FCHO2: variants seen among roughly 807,000 people sequenced by gnomAD.
FCHO2 encodes the protein FCH and mu domain containing endocytic adaptor 2, also known as F-BAR domain only protein 2.
A neutral mutation model predicts 114.1 loss-of-function variants in FCHO2; 43 were observed. The observed-to-expected ratio is 0.38, with a 90% CI of 0.30 to 0.49. FCHO2 has a LOEUF of 0.49. FCHO2 is among the 20% of genes least tolerant of loss of function. The pLI, the probability that FCHO2 is intolerant of heterozygous loss-of-function variation, is 0.97. For synonymous variants in FCHO2, 293 were observed against 315.2 expected (o/e 0.93, Z 0.75); for missense variants, 807 against 950.4 (o/e 0.85, Z 1.98).
At chr5:72,979,378 CTTTTTTTTTTTTTTTTTTT>C (rs60234739) in intron 2 of FCHO2, among the ~76,000 whole-genome samples, 1 of 49,770 alleles carries the variant, frequency 2.0e-5, no homozygotes, top group Non-Finnish European at 3.4e-5. Context: ...TTATCAATTT[CTTTTTTTTTTTTTTTTTTT>C]TTTTTTTTTT....
At chr5:72,998,562 G>A (rs1398428399) in intron 5 of FCHO2, among the ~76,000 whole-genome samples, 2 of 151,888 alleles carry the variant, frequency 1.3e-5, no homozygotes, top group African/African-American at 2.4e-5. Flanking sequence ...GCCCAACAGT[G>A]AATTGGTATG....
intron 24 of FCHO2, among the ~76,000 whole-genome samples, chr5:73,086,036 C>T (rs1232288878): frequency 1.3e-5 from 2 of 151,256 alleles, no homozygotes; most frequent in South Asian, 2.1e-4. Flanking sequence ...GCAGGAGAAT[C>T]GCTTGAACCC....
chr5:72,968,326 T>TAA (rs1386397605), intron 1 of FCHO2, among the ~76,000 whole-genome samples, 172 bp from the exon 2 acceptor site: 1 of 152,232 alleles, frequency 6.6e-6, no homozygotes, highest in African/African-American at 2.4e-5. Context: ...TAAACTTTAT[T>TAA]AAAGCATATA....
chr5:73,055,544 A>T lies in FCHO2; in HGVS notation c.1211-521A>T, dbSNP rs1256307252. Among the ~76,000 whole-genome samples the T allele has an allele frequency of 2.0e-5, 3 of 152,348 alleles. No homozygotes were observed. The East Asian group carries it at 5.8e-4, about 29-fold the overall frequency. On this transcript the variant is annotated intron_variant, in intron 15 of 25. Transcript: ENST00000430046. ...ACCACTTGCTTGTGAAATGAGGCAC[A>T]TTACAAATCCAAAAGGTAGCAAAAC...
intron 11 of FCHO2, among the ~76,000 whole-genome samples, chr5:73,048,870 CTTTTTTTTTT>C (rs764057424): frequency 1.9e-5 from 2 of 105,436 alleles, no homozygotes; most frequent in Admixed American, 2.2e-4. Flanking sequence ...AATTTGCTAT[CTTTTTTTTTT>C]TTTTTTTTTT....
intron 5 of FCHO2, chr5:72,996,832 C>G: frequency 4.5e-6 from 4 of 891,388 alleles, no homozygotes; most frequent in Non-Finnish European, 7.0e-6. Flanking sequence ...CGTTCCCCCT[C>G]CCGGCAACGG....
At chr5:72,987,890 G>T (rs1303888485) in intron 2 of FCHO2, among the ~76,000 whole-genome samples, 1 of 152,080 alleles carries the variant, frequency 6.6e-6, no homozygotes, top group Non-Finnish European at 1.5e-5. Flanking sequence ...GAAAGAGTTT[G>T]GAGATTAGTT....
intron 2 of FCHO2, among the ~76,000 whole-genome samples, chr5:72,976,400 G>C (rs982092639): frequency 6.6e-6 from 1 of 151,856 alleles, no homozygotes; most frequent in Non-Finnish European, 1.5e-5. Flanking sequence ...GTCAAGATGT[G>C]GTCTCAGCAT....
intron 8 of FCHO2, among the ~76,000 whole-genome samples, chr5:73,018,523 C>CT (rs70973220): frequency 1.6e-3 from 217 of 132,082 alleles, no homozygotes; most frequent in Middle Eastern, 7.5e-3. Context: ...TAACTTTCTT[C>CT]TTTTTTTTTT....
intron 1 of FCHO2, among the ~76,000 whole-genome samples, chr5:72,964,105 A>G (rs1468586169): frequency 6.6e-6 from 1 of 151,818 alleles, no homozygotes; most frequent in Non-Finnish European, 1.5e-5. Flanking sequence ...ATAGAACATT[A>G]CAGAAAACGC....
chr5:72,996,524 C>T (rs1754111492), intron 5 of FCHO2, among the ~76,000 whole-genome samples: 1 of 151,890 alleles, frequency 6.6e-6, no homozygotes, highest in Non-Finnish European at 1.5e-5. Context: ...TGACTCTCTG[C>T]TTACCCCCCT....
At chr5:72,960,437 A>G (rs1480157543) in intron 1 of FCHO2, among the ~76,000 whole-genome samples, 1 of 152,206 alleles carries the variant, frequency 6.6e-6, no homozygotes, top group African/African-American at 2.4e-5. Context: ...TGGACGCAAA[A>G]ATAATTTTAC....
At chr5:73,082,954 A>G (rs1580213255) in intron 24 of FCHO2, 129 bp downstream of exon 24, 7 of 698,154 alleles carry the variant, frequency 1.0e-5, no homozygotes, top group African/African-American at 1.8e-5. Context: ...GCTCACTGCA[A>G]CCTCCGCCTG....
At chr5:73,046,862 T>G (rs1757084270) in intron 11 of FCHO2, among the ~76,000 whole-genome samples, 1 of 152,202 alleles carries the variant, frequency 6.6e-6, no homozygotes, top group Admixed American at 6.5e-5. Flanking sequence ...ATTAGACTGT[T>G]TATTTAGTCT....
intron 24 of FCHO2, among the ~76,000 whole-genome samples, chr5:73,085,377 C>G (rs190165344): frequency 6.6e-6 from 1 of 152,204 alleles, no homozygotes; most frequent in South Asian, 2.1e-4. Context: ...ATTTTCTAAC[C>G]AGATTTTAAG....
chr5:73,064,229 T>C (rs1340554565), intron 18 of FCHO2, among the ~76,000 whole-genome samples: 2 of 152,104 alleles, frequency 1.3e-5, no homozygotes, highest in Admixed American at 6.6e-5. Context: ...AGAAGCGGTT[T>C]TCATATAATT....
intron 2 of FCHO2, among the ~76,000 whole-genome samples, chr5:72,979,423 G>A (rs1317943483): frequency 3.8e-5 from 4 of 103,918 alleles, no homozygotes; most frequent in East Asian, 6.4e-4. Flanking sequence ...ACGGAGTCTC[G>A]CTCTGTCGCC....
intron 2 of FCHO2, among the ~76,000 whole-genome samples, chr5:72,972,758 G>C (rs1752632017): frequency 6.6e-6 from 1 of 152,180 alleles, no homozygotes; most frequent in African/African-American, 2.4e-5. Flanking sequence ...AGTGGTGAGA[G>C]AGGGCATCCC....
chr5:72,982,455 C>T (rs1344303122), intron 2 of FCHO2, among the ~76,000 whole-genome samples: 1 of 152,168 alleles, frequency 6.6e-6, no homozygotes, highest in East Asian at 1.9e-4. Context: ...TATTTTCTCA[C>T]AGTCTGATTT....
Sources: allele counts gnomAD v4.1 joint callset (sites outside exome capture counted in the v4.1 genomes callset), GRCh38; gene constraint gnomAD v4.1.1; transcripts MANE v1.5; gene names NCBI Gene and HGNC (gene_info 2026-07-23, HGNC 2026-07-21).